Variants in MSRA observed in about 807,000 individuals in gnomAD.
MSRA encodes the protein mitochondrial peptide methionine sulfoxide reductase.
MSRA carries 54 observed loss-of-function variants against 31.3 expected under a neutral mutation model. The observed-to-expected ratio is 1.73, with a 90% confidence interval of 1.39 to 2.17. MSRA has a LOEUF of 2.17. Ranked by LOEUF, MSRA falls within the 30% of genes most tolerant of loss-of-function variation. The pLI is 0.00. For missense variants in MSRA, 507 were observed against 300.9 expected (o/e 1.69, Z -5.07); for synonymous variants, 169 against 116.5 (o/e 1.45, Z -2.90).
intron 1 of MSRA, among the ~76,000 whole-genome samples, chr8:10,142,697 A>G (rs1802816314): frequency 6.6e-6 from 1 of 152,196 alleles, no homozygotes; most frequent in Non-Finnish European, 1.5e-5. Context: ...GAAAGAAGAC[A>G]GTGAGTGTGA....
chr8:10,203,146 G>C (rs564171394), intron 1 of MSRA, among the ~76,000 whole-genome samples: 9 of 152,250 alleles, frequency 5.9e-5, no homozygotes, highest in African/African-American at 2.2e-4. Context: ...GGGACCTCAT[G>C]AGTGATGAGG....
intron 1 of MSRA, among the ~76,000 whole-genome samples, chr8:10,149,241 C>T (rs889099966): frequency 2.0e-5 from 3 of 152,136 alleles, no homozygotes; most frequent in Admixed American, 1.3e-4. Flanking sequence ...CCTGCCTCAG[C>T]CTCCCAAGTA....
chr8:10,137,709 A>T (rs1191239492), intron 1 of MSRA, among the ~76,000 whole-genome samples: 2 of 152,094 alleles, frequency 1.3e-5, no homozygotes, highest in Non-Finnish European at 2.9e-5. Context: ...GGGCAGTGGG[A>T]GTGGTGACTG....
At chr8:10,115,167 C>G (rs916300398) in intron 1 of MSRA, among the ~76,000 whole-genome samples, 2 of 152,146 alleles carry the variant, frequency 1.3e-5, no homozygotes, top group African/African-American at 2.4e-5. Flanking sequence ...CTTACTATGT[C>G]AAAAATGTAA....
At chr8:10,126,411 G>A (rs1006677916) in intron 1 of MSRA, among the ~76,000 whole-genome samples, 4 of 152,206 alleles carry the variant, frequency 2.6e-5, no homozygotes, top group African/African-American at 4.8e-5. Flanking sequence ...ACCAGGGACT[G>A]GTTTCATGGA....
chr8:10,129,621 G>C (rs1801752556), intron 1 of MSRA, among the ~76,000 whole-genome samples: 1 of 152,058 alleles, frequency 6.6e-6, no homozygotes, highest in Non-Finnish European at 1.5e-5. Flanking sequence ...CAGCATGCAT[G>C]GGTTGGACTG....
intron 3 of MSRA, among the ~76,000 whole-genome samples, chr8:10,257,290 A>T (rs549779970): frequency 1.3e-5 from 2 of 152,336 alleles, no homozygotes; most frequent in South Asian, 4.1e-4. Context: ...CAGTGTAATT[A>T]AATGTGGAAT....
chr8:10,224,262 G>A (rs1585209567), intron 2 of MSRA, among the ~76,000 whole-genome samples: 2 of 152,254 alleles, frequency 1.3e-5, no homozygotes, highest in Admixed American at 6.5e-5. Context: ...TACAAAGGGC[G>A]TGAAGAACTA....
intron 5 of MSRA, among the ~76,000 whole-genome samples, chr8:10,354,828 T>C (rs1203545133): frequency 6.6e-6 from 1 of 151,094 alleles, no homozygotes; most frequent in Non-Finnish European, 1.5e-5. Context: ...TGTAGTCTCA[T>C]TGAATGGATA....
chr8:10,253,101 A>G, intron 3 of MSRA, among the ~76,000 whole-genome samples: 1 of 152,312 alleles, frequency 6.6e-6, no homozygotes, highest in East Asian at 1.9e-4. Context: ...AAATAACTGA[A>G]GGCTGGCAAG....
rs115250217 is a variant in MSRA, at chr8:10,329,728, G to A, written c.543+9739G>A. On this transcript the variant is annotated intron_variant, in intron 5 of 5. Transcript: ENST00000317173. ...CTCGGGCTGCTTAGGAGAGGTGGGC[G>A]TTGTTCACTAGGTGGGAGCGCATCT... Among the ~76,000 whole-genome samples the A allele has an allele frequency of 3.0e-3, 462 of 151,764 alleles. 1 individual carries two copies. The highest frequency in any genetic ancestry group is 4.6e-3 in the Non-Finnish European group (311 of 67,982).
intron 5 of MSRA, among the ~76,000 whole-genome samples, chr8:10,374,095 C>G (rs538973912): frequency 2.6e-5 from 4 of 152,148 alleles, no homozygotes; most frequent in African/African-American, 7.2e-5. Context: ...GCTGATTGAT[C>G]GAGAAGTCAA....
intron 1 of MSRA, among the ~76,000 whole-genome samples, chr8:10,147,671 T>C (rs747476672): frequency 1.3e-5 from 2 of 152,128 alleles, no homozygotes; most frequent in African/African-American, 4.8e-5. Flanking sequence ...GCTCTTGGCA[T>C]GGCCATCTGC....
intron 1 of MSRA, among the ~76,000 whole-genome samples, chr8:10,205,614 A>G (rs71516559): frequency 0.029 from 4,393 of 152,304 alleles, 109 homozygotes; most frequent in Non-Finnish European, 0.041. Flanking sequence ...TGTGGAAAAA[A>G]TAGAAAAATC....
intron 2 of MSRA, among the ~76,000 whole-genome samples, chr8:10,211,413 C>A (rs1191490394): frequency 6.6e-6 from 1 of 152,180 alleles, no homozygotes; most frequent in East Asian, 1.9e-4. Flanking sequence ...CTCCTCTGCC[C>A]TTTTGGACAA....
At chr8:10,233,619 G>C (rs1294069007) in intron 2 of MSRA, among the ~76,000 whole-genome samples, 2 of 152,212 alleles carry the variant, frequency 1.3e-5, no homozygotes, top group Non-Finnish European at 2.9e-5. Context: ...TTAGTGAATA[G>C]TTCTGATGCA....
intron 1 of MSRA, among the ~76,000 whole-genome samples, chr8:10,197,866 A>C (rs1156438892): frequency 6.6e-6 from 1 of 152,140 alleles, no homozygotes; most frequent in Non-Finnish European, 1.5e-5. Flanking sequence ...GCAGTTTCTT[A>C]GCTAGCAAGC....
At chr8:10,354,758 A>G (rs991129192) in intron 5 of MSRA, among the ~76,000 whole-genome samples, 20 of 147,442 alleles carry the variant, frequency 1.4e-4, no homozygotes, top group Middle Eastern at 3.6e-3. Context: ...GTGTATATAT[A>G]TATATATATA....
intron 5 of MSRA, among the ~76,000 whole-genome samples, chr8:10,424,548 A>C (rs1242806068): frequency 7.0e-6 from 1 of 143,542 alleles, no homozygotes; most frequent in Non-Finnish European, 1.5e-5. Context: ...GGGGAGAAGG[A>C]CTCGGGATAG....
Sources: gnomAD v4.1 joint callset for allele counts (sites outside exome capture counted in the v4.1 genomes callset) on GRCh38, gnomAD v4.1.1 for gene constraint, MANE v1.5 for transcripts, NCBI Gene and HGNC (gene_info 2026-07-23, HGNC 2026-07-21) for gene names.